Variants in URB1 observed in about 807,000 individuals in gnomAD.
URB1 encodes nucleolar pre-ribosomal-associated protein 1.
In URB1, 197 loss-of-function variants were observed where a neutral mutation model predicts 242.3. The observed-to-expected ratio is 0.81, with a 90% CI of 0.72 to 0.91. URB1 has a LOEUF of 0.91. URB1 is among the 40% of genes least tolerant of loss of function. The probability of loss-of-function intolerance (pLI) is 0.00; values close to 1 mark genes in which losing one functional copy is unlikely to be tolerated. For missense variants in URB1, 2,721 were observed against 2,860.5 expected (o/e 0.95, Z 1.11); for synonymous variants, 1,153 against 1,201.8 (o/e 0.96, Z 0.84).
chr21:32,384,809 G>A (rs988731536), intron 2 of URB1, among the ~76,000 whole-genome samples: 4 of 151,936 alleles, frequency 2.6e-5, no homozygotes, highest in Non-Finnish European at 4.4e-5. Context: ...GTGAAACCCC[G>A]TCTCTACTAA....
At position 32,338,847 on chromosome 21, in the gene URB1, A is replaced by G. The variant is rs2032995222; in HGVS notation, c.4370T>C (p.Leu1457Pro). 1.9e-6 allele frequency: 3 copies of G among 1,551,558 alleles called. No individual in the cohort carries two copies. The highest frequency in any genetic ancestry group is 2.6e-6 in the Non-Finnish European group (3 of 1,146,982). Reference protein sequence around the residue: ...FLKMLLTAVQLLYSPESSVRT... With the variant: ...FLKMLLTAVQPLYSPESSVRT... The stretch of plus-strand genomic sequence containing the variant: ...CACGGAGCTTTCTGGGCTGTACAGG[A>G]GCTGTACGGCGGTGAGGAGCATCTT... The change falls in exon 26 of 39, where the codon CTC becomes CCC. Residue 1457 changes from leucine (L) to proline (P), a missense_variant. Transcript: ENST00000382751.
At chr21:32,392,022 G>A (rs1314765051) in intron 1 of URB1, among the ~76,000 whole-genome samples, 1 of 109,386 alleles carries the variant, frequency 9.1e-6, no homozygotes, top group East Asian at 2.3e-4. Flanking sequence ...AGACCCTGTC[G>A]TTTAAAAAAA....
At chr21:32,318,486 G>A (rs562155686) in intron 36 of URB1, among the ~76,000 whole-genome samples, 10 of 152,328 alleles carry the variant, frequency 6.6e-5, no homozygotes, top group Non-Finnish European at 4.4e-5. Context: ...TCCCTACATA[G>A]GAAAGGTTGA....
At chr21:32,385,786 A>T in intron 1 of URB1, 102 bp from the exon 2 acceptor site, 1 of 1,410,994 alleles carries the variant, frequency 7.1e-7, no homozygotes. Flanking sequence ...ACCTTCCCCG[A>T]TCCACCTACA....
rs1265638274 is a variant in URB1 at position 32,333,319 on chromosome 21, G to A, written c.4958C>T (p.Pro1653Leu). Residue 1653 changes from proline (P) to leucine (L), a missense_variant and splice_region_variant, in exon 30 of 39, where the codon CCA (proline) becomes CTA (leucine). Physicochemically the swap from Pro to Leu is moderately conservative, Grantham distance 98. Transcript: ENST00000382751. ...ACCCAAGAGAAGACTGCAGTTACCT[G>A]GCCTGGTCAGCTCACTGAAGAGCTG... ...LLQLFSELTR[P>L]EFVVDCRKFL... 6.4e-6 allele frequency: 10 copies of A among 1,551,724 alleles called. No individual in the cohort carries two copies. The East Asian group carries it at 2.2e-4, about 34-fold the overall frequency.
At chr21:32,346,650 G>GT (rs1467488911) in intron 22 of URB1, among the ~76,000 whole-genome samples, 2 of 152,114 alleles carry the variant, frequency 1.3e-5, no homozygotes, top group African/African-American at 4.8e-5. Context: ...CTCCTTCAAC[G>GT]TAACAGGACA....
intron 11 of URB1, 57 bp downstream of exon 11, chr21:32,363,099 G>T: frequency 6.6e-7 from 1 of 1,515,910 alleles, no homozygotes; most frequent in Non-Finnish European, 8.9e-7. Context: ...GCTGCAGAAT[G>T]GCCTTTTCCA....
chr21:32,338,916 CA>C lies in URB1; in HGVS notation c.4317-17del. ...GTACCGAAATCTAGGCGGCGAGAGT[CA>C]AAGGGAAAAGAGCTTTGCTAAAAGG... On this transcript the variant is annotated splice_polypyrimidine_tract_variant and intron_variant, in intron 25 of 38. Transcript: ENST00000382751. 2 of 1,519,852 alleles carry C rather than the reference CA, an allele frequency of 1.3e-6. No individual in the cohort carries two copies. The highest frequency in any genetic ancestry group is 1.8e-6 in the Non-Finnish European group (2 of 1,126,796). 94.1% of individuals were successfully genotyped at this position (1,519,852 alleles called of 1,614,324 possible).
intron 8 of URB1, among the ~76,000 whole-genome samples, chr21:32,372,258 G>A (rs944385106): frequency 4.6e-5 from 7 of 152,204 alleles, no homozygotes; most frequent in Non-Finnish European, 8.8e-5. Flanking sequence ...GTAAACATCC[G>A]CAGCACCTCC....
chr21:32,338,738 G>A lies in URB1; in HGVS notation c.4479C>T (p.Asp1493=), dbSNP rs368071254. 6.8e-5 allele frequency: 106 copies of A among 1,551,590 alleles called. No individual in the cohort carries two copies. The African/African-American group carries it at 8.1e-4, about 12-fold the overall frequency. Residue 1493 remains aspartate, a synonymous_variant, in exon 26 of 39, where the codon GAC becomes GAT. Transcript: ENST00000382751. ...SLFLPTLLTS[D]GEESPDSQVK... is the part of the protein sequence containing the mutation. ...CTTGGCTGTCCGGGCTCTCCTCTCC[G>A]TCAGACGTCAGTAGAGTCGGCAGAA...
intron 33 of URB1, among the ~76,000 whole-genome samples, chr21:32,322,176 G>C (rs2032775200): frequency 6.6e-6 from 1 of 152,126 alleles, no homozygotes; most frequent in Non-Finnish European, 1.5e-5. Flanking sequence ...TTCTATAAAA[G>C]AATATTTAAT....
At chr21:32,370,188 G>A (rs1310754797) in intron 8 of URB1, among the ~76,000 whole-genome samples, 1 of 151,990 alleles carries the variant, frequency 6.6e-6, no homozygotes, top group East Asian at 1.9e-4. Context: ...TGTCTCATGT[G>A]CACGACACAG....
intron 11 of URB1, 26 bp from the exon 12 acceptor site, chr21:32,362,047 T>C (rs763902116): frequency 6.5e-6 from 10 of 1,549,708 alleles, no homozygotes; most frequent in Non-Finnish European, 8.7e-6. Flanking sequence ...AAGCAGAACA[T>C]TAGTTGTAGT....
At chr21:32,385,988 C>A (rs1324376448) in intron 1 of URB1, among the ~76,000 whole-genome samples, 2 of 152,060 alleles carry the variant, frequency 1.3e-5, no homozygotes, top group East Asian at 3.9e-4. Context: ...CCCCTCTCTA[C>A]TAAAAATACA....
chr21:32,312,407 C>A lies in URB1; in HGVS notation c.*2511G>T. ...GTTAGGATGCTGGGTAAGTTCCCAT[C>A]CAAGCTCCACTAACACCCGCCGGCT... On this transcript the variant is annotated 3_prime_UTR_variant, in exon 39 of 39. Coordinates refer to ENST00000382751, the MANE Select transcript of URB1 (RefSeq NM_014825.3). The A allele has an allele frequency of 1.1e-6, 1 of 944,022 alleles. No homozygotes were observed. The highest frequency in any genetic ancestry group is 1.4e-6 in the Non-Finnish European group (1 of 737,148). 58.5% of individuals were successfully genotyped at this position (944,022 alleles called of 1,614,324 possible).
rs1024665766 is a variant in URB1 at position 32,341,628 on chromosome 21, C to A, written c.4258-104G>T. 1.2e-5 allele frequency: 12 copies of A among 986,170 alleles called. 1 individual carries two copies. In the South Asian group the frequency reaches 1.8e-4, roughly 14 times the overall value. The allele number at this position is 986,170 out of a possible 1,614,324, so 61.1% of individuals were successfully genotyped here. A position where few individuals can be genotyped will look rare whatever the true frequency, so the allele number is the denominator to read the frequency against. On this transcript the variant is annotated intron_variant, in intron 24 of 38. Transcript: ENST00000382751. The stretch of plus-strand genomic sequence containing the variant: ...TCAGAAAGGCATCTGCCTCCATGGC[C>A]TGACTACCTCCTCTGTAAAACCCAT...
At position 32,363,337 on chromosome 21, in the gene URB1, GA is replaced by G. The variant is rs373701771; in HGVS notation, c.1336-9del. On this transcript the variant is annotated splice_polypyrimidine_tract_variant and intron_variant, in intron 10 of 38. Transcript: ENST00000382751. ...CACTGAGGTGCTGTCCAACTGGGAA[GA>G]AAAAGAGTTAAATGCACACATGTCT... 1.9e-6 allele frequency: 3 copies of G among 1,549,914 alleles called. No individual in the cohort carries two copies. Among genetic ancestry groups the G allele is most frequent in the Non-Finnish European group, 2.6e-6 (3 of 1,146,788 alleles).
intron 38 of URB1, among the ~76,000 whole-genome samples, chr21:32,316,246 T>A (rs1266806890): frequency 6.6e-6 from 1 of 152,196 alleles, no homozygotes; most frequent in Non-Finnish European, 1.5e-5. Flanking sequence ...ACCAAAGGTT[T>A]CCCCTGCAAG....
chr21:32,353,944 C>T lies in URB1; in HGVS notation c.2405G>A (p.Gly802Asp), dbSNP rs769937454. ...CTATACATAGGTACCTGCTTCATTG[C>T]CTGTCCCAAGGAGCAACTTATTCCT... ...EARNKLLLGT[G>D]NEAAENVVTY... The change falls in exon 18 of 39, where the codon GGC (glycine) becomes GAC (aspartate). Residue 802 changes from glycine to aspartate, a missense_variant. By Grantham distance (94) the Gly-to-Asp change is moderately conservative. Transcript: ENST00000382751. The T allele has an allele frequency of 1.2e-5, 19 of 1,551,594 alleles. No homozygotes were observed. The highest frequency in any genetic ancestry group is 1.5e-5 in the Non-Finnish European group (17 of 1,146,986).
Sources: allele counts gnomAD v4.1 joint callset (sites outside exome capture counted in the v4.1 genomes callset), GRCh38; gene constraint gnomAD v4.1.1; transcripts MANE v1.5; gene names NCBI Gene and HGNC (gene_info 2026-07-23, HGNC 2026-07-21).